Variants in PTPRD observed in about 807,000 individuals in gnomAD.
PTPRD encodes the protein receptor-type tyrosine-protein phosphatase delta.
Under a neutral mutation model 214.5 loss-of-function variants are expected in PTPRD, and 34 were observed. The observed-to-expected ratio is 0.16, with a 90% CI of 0.12 to 0.21. The LOEUF (loss-of-function observed/expected upper bound fraction) is 0.21. PTPRD is among the 10% of genes least tolerant of loss of function. The probability of loss-of-function intolerance (pLI) is 1.00; values close to 1 mark genes in which losing one functional copy is unlikely to be tolerated. For synonymous variants in PTPRD, 1,128 were observed against 845.7 expected (o/e 1.33, Z -5.79); for missense variants, 2,545 against 2,398.7 (o/e 1.06, Z -1.27).
At chr9:9,717,418 T>C (rs1339017860) in intron 7 of PTPRD, among the ~76,000 whole-genome samples, 1 of 152,196 alleles carries the variant, frequency 6.6e-6, no homozygotes, top group African/African-American at 2.4e-5. Context: ...GGGGATGGTA[T>C]TGAATCTATA....
chr9:10,220,605 T>G (rs1355882176), intron 3 of PTPRD, among the ~76,000 whole-genome samples: 3 of 151,952 alleles, frequency 2.0e-5, no homozygotes, highest in East Asian at 3.9e-4. Flanking sequence ...ATTTTTAAAT[T>G]TATATTAAAA....
At chr9:10,421,459 C>A (rs1379974763) in intron 2 of PTPRD, among the ~76,000 whole-genome samples, 1 of 151,824 alleles carries the variant, frequency 6.6e-6, no homozygotes. Flanking sequence ...AATTATTTGG[C>A]CATTTCTGAT....
At chr9:8,653,939 A>C (rs1565015336) in intron 12 of PTPRD, among the ~76,000 whole-genome samples, 2 of 152,176 alleles carry the variant, frequency 1.3e-5, no homozygotes, top group East Asian at 3.8e-4. Flanking sequence ...CTACATAATC[A>C]GCACCTTCAC....
rs374430689 is a variant in PTPRD at position 9,720,924 on chromosome 9, G to C, written c.-287+13609C>G. On this transcript the variant is annotated intron_variant, in intron 7 of 45. Transcript: ENST00000381196. Reference sequence around the variant, plus strand: ...CCCATGTTCTCACTTCAAAGTGGGAGGTAAATGTTAAGAACTCATGGAAGC... The same window carrying C: ...CCCATGTTCTCACTTCAAAGTGGGACGTAAATGTTAAGAACTCATGGAAGC... 3.8e-4 allele frequency among the ~76,000 whole-genome samples: 58 copies of C among 152,180 alleles called. 1 individual carries two copies. The East Asian group carries it at 7.0e-3, about 18-fold the overall frequency.
intron 14 of PTPRD, among the ~76,000 whole-genome samples, chr9:8,548,402 C>T (rs998989221): frequency 2.6e-5 from 4 of 151,960 alleles, no homozygotes; most frequent in Non-Finnish European, 5.9e-5. Context: ...GGTGTTCACT[C>T]TGTCACCCAG....
chr9:10,133,171 G>A (rs1348806950), intron 3 of PTPRD, among the ~76,000 whole-genome samples: 1 of 152,154 alleles, frequency 6.6e-6, no homozygotes, highest in African/African-American at 2.4e-5. Context: ...CATGTATGGT[G>A]TGGGCAGATT....
intron 9 of PTPRD, among the ~76,000 whole-genome samples, chr9:9,371,630 T>A (rs1447020069): frequency 6.6e-6 from 1 of 152,212 alleles, no homozygotes; most frequent in Non-Finnish European, 1.5e-5. Flanking sequence ...TGCTCTGATC[T>A]TAGTTATTTC....
chr9:8,675,030 C>G (rs2097371889), intron 12 of PTPRD, among the ~76,000 whole-genome samples: 1 of 152,014 alleles, frequency 6.6e-6, no homozygotes, highest in South Asian at 2.1e-4. Context: ...AGTTTTCTCT[C>G]CTGTGGTCAG....
chr9:8,436,672 G>A lies in PTPRD; in HGVS notation c.4006C>T (p.Pro1336Ser). Residue 1336 changes from proline (P) to serine (S), a missense_variant, in exon 35 of 46, where the codon CCA becomes TCA. By Grantham distance (74) the Pro-to-Ser change is moderately conservative. Coordinates refer to ENST00000381196, the MANE Select transcript of PTPRD (RefSeq NM_002839.4). ...TCTGCAAGTTCCAAGATGGGTATTG[G>A]AGGATGGCTAGCCATACCTATTGAA... is the stretch of plus-strand genomic sequence containing the variant. ...FQTPGMASHP[P>S]IPILELADHI... The A allele has an allele frequency of 6.2e-7, 1 of 1,613,128 alleles. No individual in the cohort carries two copies. Among genetic ancestry groups the A allele is most frequent in the African/African-American group, 1.3e-5 (1 of 75,010 alleles).
At chr9:9,222,096 C>G (rs1188039554) in intron 9 of PTPRD, among the ~76,000 whole-genome samples, 1 of 152,038 alleles carries the variant, frequency 6.6e-6, no homozygotes, top group Non-Finnish European at 1.5e-5. Flanking sequence ...TCCACTGTAA[C>G]AATATTAATA....
chr9:10,567,563 T>A lies in PTPRD; in HGVS notation c.-600+44835A>T, dbSNP rs532130635. ...AGTGGGTGCTTATAGCCCTACCCTT[T>A]TGTTTTTCCTTGATATCCATGAGTT... On this transcript the variant is annotated intron_variant, in intron 2 of 45. Coordinates refer to ENST00000381196, the MANE Select transcript of PTPRD (RefSeq NM_002839.4). 9.2e-5 allele frequency among the ~76,000 whole-genome samples: 14 copies of A among 152,254 alleles called. No homozygotes were observed. The South Asian group carries it at 2.9e-3, about 32-fold the overall frequency.
At chr9:9,573,533 A>G (rs1467979827) in intron 8 of PTPRD, among the ~76,000 whole-genome samples, 1 of 151,740 alleles carries the variant, frequency 6.6e-6, no homozygotes, top group East Asian at 1.9e-4. Flanking sequence ...AAGATAATTA[A>G]AACACTGGAG....
chr9:10,465,997 C>T (rs540684234), intron 2 of PTPRD, among the ~76,000 whole-genome samples: 7 of 151,956 alleles, frequency 4.6e-5, no homozygotes, highest in African/African-American at 1.7e-4. Context: ...CTATGATTAC[C>T]GATTGAAAAA....
chr9:9,405,191 C>A (rs1035458961), intron 8 of PTPRD, among the ~76,000 whole-genome samples: 4 of 152,030 alleles, frequency 2.6e-5, no homozygotes, highest in Non-Finnish European at 4.4e-5. Flanking sequence ...TATTGATTTT[C>A]TCTGCTATGC....
At chr9:8,768,640 G>A (rs1272848493) in intron 11 of PTPRD, among the ~76,000 whole-genome samples, 1 of 152,106 alleles carries the variant, frequency 6.6e-6, no homozygotes, top group African/African-American at 2.4e-5. Flanking sequence ...AGTAAAAAAT[G>A]TAACTAATGG....
intron 2 of PTPRD, among the ~76,000 whole-genome samples, chr9:10,399,891 G>A (rs957814762): frequency 6.6e-6 from 1 of 151,780 alleles, no homozygotes; most frequent in Non-Finnish European, 1.5e-5. Context: ...AAATGGATAG[G>A]AATGGGACCC....
chr9:9,429,691 A>G (rs1223262958), intron 8 of PTPRD, among the ~76,000 whole-genome samples: 1 of 152,232 alleles, frequency 6.6e-6, no homozygotes, highest in Non-Finnish European at 1.5e-5. Context: ...CACATCAAAA[A>G]GCTTATCCAC....
intron 10 of PTPRD, among the ~76,000 whole-genome samples, chr9:9,108,704 G>A (rs1418437512): frequency 1.3e-5 from 2 of 152,110 alleles, no homozygotes; most frequent in Non-Finnish European, 2.9e-5. Flanking sequence ...ACATTGACCA[G>A]ACCAAGTCAC....
At chr9:9,941,012 A>G (rs748584376) in intron 4 of PTPRD, among the ~76,000 whole-genome samples, 12 of 152,138 alleles carry the variant, frequency 7.9e-5, no homozygotes, top group African/African-American at 1.7e-4. Context: ...CCAGAAAAAA[A>G]AAGAGTTGTC....
Sources: allele counts gnomAD v4.1 joint callset (sites outside exome capture counted in the v4.1 genomes callset), GRCh38; gene constraint gnomAD v4.1.1; transcripts MANE v1.5; gene names NCBI Gene and HGNC (gene_info 2026-07-23, HGNC 2026-07-21).